The following EYS variants were observed in gnomAD, a reference collection of about 807,000 sequenced individuals.
The protein encoded by EYS is EGF-like photoreceptor maintenance factor, also known as protein eyes shut homolog.
EYS carries 250 observed loss-of-function variants against 282.1 expected under a neutral mutation model. That is an observed-to-expected ratio of 0.89 (90% CI 0.80 to 0.98). The LOEUF (loss-of-function observed/expected upper bound fraction) is 0.98. Among genes scored for constraint, EYS ranks in the 50% least tolerant of loss-of-function variants. The pLI is 0.00. For missense variants in EYS, 4,016 were observed against 3,709.0 expected (o/e 1.08, Z -2.15); for synonymous variants, 1,355 against 1,282.9 (o/e 1.06, Z -1.20).
At chr6:65,051,879 A>G (rs2150154828) in intron 13 of EYS, among the ~76,000 whole-genome samples, 1 of 151,516 alleles carries the variant, frequency 6.6e-6, no homozygotes, top group East Asian at 2.0e-4. Context: ...TTAATAGGCA[A>G]TATTAATATT....
At chr6:65,213,737 G>A (rs934929118) in intron 12 of EYS, among the ~76,000 whole-genome samples, 4 of 152,074 alleles carry the variant, frequency 2.6e-5, no homozygotes, top group African/African-American at 9.7e-5. Context: ...TATTCTATGA[G>A]ACACAACAAT....
At chr6:65,423,860 C>T (rs1562171171) in intron 5 of EYS, among the ~76,000 whole-genome samples, 1 of 151,838 alleles carries the variant, frequency 6.6e-6, no homozygotes. Context: ...CTATAAGTGA[C>T]ATTCTCTAGG....
chr6:63,778,226 A>G, intron 39 of EYS, 46 bp from the exon 40 acceptor site: 1 of 1,508,308 alleles, frequency 6.6e-7, no homozygotes, highest in Non-Finnish European at 9.0e-7. Flanking sequence ...CAGAAGAAAT[A>G]GAAAAAACAA....
intron 26 of EYS, among the ~76,000 whole-genome samples, chr6:64,526,307 A>G (rs1302887924): frequency 6.6e-6 from 1 of 151,744 alleles, no homozygotes; most frequent in Admixed American, 6.6e-5. Flanking sequence ...ACATTCTACT[A>G]TAGTACTGCA....
intron 22 of EYS, among the ~76,000 whole-genome samples, chr6:64,785,388 T>C (rs145719639): frequency 6.6e-6 from 1 of 152,284 alleles, no homozygotes; most frequent in East Asian, 1.9e-4. Context: ...CTTGCTGGCC[T>C]AAAACTGTTT....
intron 33 of EYS, among the ~76,000 whole-genome samples, chr6:64,059,905 T>C (rs770160694): frequency 6.6e-6 from 1 of 152,198 alleles, no homozygotes; most frequent in Non-Finnish European, 1.5e-5. Context: ...ATTTCTCATA[T>C]TGAGCTTGAG....
At chr6:64,972,865 T>C (rs1770343887) in intron 14 of EYS, among the ~76,000 whole-genome samples, 1 of 152,078 alleles carries the variant, frequency 6.6e-6, no homozygotes, top group Non-Finnish European at 1.5e-5. Flanking sequence ...CTAGGCATTA[T>C]AGGTCTTATC....
chr6:64,956,090 A>C (rs2150102762), intron 14 of EYS, among the ~76,000 whole-genome samples: 1 of 152,338 alleles, frequency 6.6e-6, no homozygotes, highest in East Asian at 1.9e-4. Context: ...TAGAAAAAAA[A>C]AATTCCAAAA....
At chr6:65,289,237 A>G (rs1768454543) in intron 12 of EYS, among the ~76,000 whole-genome samples, 1 of 151,048 alleles carries the variant, frequency 6.6e-6, no homozygotes, top group Non-Finnish European at 1.5e-5. Flanking sequence ...ATAGCTCAAA[A>G]TTTAAAAGGT....
At chr6:65,651,893 T>A (rs111315004) in intron 1 of EYS, among the ~76,000 whole-genome samples, 2,626 of 152,170 alleles carry the variant, frequency 0.017, 79 homozygotes, top group African/African-American at 0.061. Flanking sequence ...GGATAATTTA[T>A]TATGCAGTAA....
chr6:64,855,112 T>G (rs1048063755), intron 19 of EYS, among the ~76,000 whole-genome samples: 2 of 152,052 alleles, frequency 1.3e-5, no homozygotes, highest in African/African-American at 4.8e-5. Context: ...TGCATCAGTT[T>G]TACTATTTTT....
At chr6:64,268,577 G>T (rs1388290956) in intron 30 of EYS, among the ~76,000 whole-genome samples, 2 of 152,156 alleles carry the variant, frequency 1.3e-5, no homozygotes, top group Non-Finnish European at 2.9e-5. Flanking sequence ...AAGTACTGAT[G>T]ATGTTATAGC....
rs1475402588 is a variant in EYS at position 63,999,101 on chromosome 6, C to T, written c.6808G>A (p.Asp2270Asn). ...ADGKPPVQKKDTEISHASQAY... is the reference protein window; with the variant it reads ...ADGKPPVQKKNTEISHASQAY... ...TGAGAGGCATGGGAAATCTCTGTGT[C>T]TTTCTTCTGTACTGGAGGTTTTCCA... Residue 2270 changes from aspartate (D) to asparagine (N), a missense_variant, in exon 34 of 43, where the codon GAC becomes AAC. Coordinates refer to ENST00000503581, the MANE Select transcript of EYS (RefSeq NM_001142800.2). 6.4e-7 allele frequency: 1 copy of T among 1,551,524 alleles called. No homozygotes were observed. Among genetic ancestry groups the T allele is most frequent in the Non-Finnish European group, 8.7e-7 (1 of 1,146,584 alleles).
intron 14 of EYS, among the ~76,000 whole-genome samples, chr6:64,961,935 T>C (rs2150106389): frequency 6.6e-6 from 1 of 152,326 alleles, no homozygotes; most frequent in African/African-American, 2.4e-5. Flanking sequence ...CATAATTATT[T>C]TATTGATCCA....
At chr6:63,765,556 A>G (rs1769766395) in intron 40 of EYS, among the ~76,000 whole-genome samples, 1 of 151,798 alleles carries the variant, frequency 6.6e-6, no homozygotes, top group African/African-American at 2.4e-5. Context: ...GGTACATGAC[A>G]TGTTTTGGTA....
chr6:65,182,532 A>G (rs1188053712), intron 12 of EYS, among the ~76,000 whole-genome samples: 1 of 151,742 alleles, frequency 6.6e-6, no homozygotes, highest in African/African-American at 2.4e-5. Context: ...GTGCATTTTC[A>G]TGATTTTTTA....
intron 26 of EYS, among the ~76,000 whole-genome samples, chr6:64,523,476 A>AT (rs1260627346): frequency 1.3e-5 from 2 of 151,820 alleles, no homozygotes; most frequent in Non-Finnish European, 2.9e-5. Context: ...AAATCAGGAA[A>AT]TTTCTACATT....
intron 1 of EYS, among the ~76,000 whole-genome samples, chr6:65,666,681 A>T (rs1457689324): frequency 6.6e-6 from 1 of 151,566 alleles, no homozygotes; most frequent in Non-Finnish European, 1.5e-5. Flanking sequence ...TTTCTCTAAC[A>T]TATTAAAATA....
intron 22 of EYS, among the ~76,000 whole-genome samples, chr6:64,706,656 A>C (rs917332544): frequency 3.3e-5 from 5 of 152,200 alleles, no homozygotes; most frequent in Non-Finnish European, 7.3e-5. Flanking sequence ...GGCTAAGGAC[A>C]CGAATAGACA....
Sources: allele counts gnomAD v4.1 joint callset (sites outside exome capture counted in the v4.1 genomes callset), GRCh38; gene constraint gnomAD v4.1.1; transcripts MANE v1.5; gene names NCBI Gene and HGNC (gene_info 2026-07-23, HGNC 2026-07-21).